The following MED14 variants were observed in gnomAD, a reference collection of about 807,000 sequenced individuals.
MED14 encodes mediator complex subunit 14.
A neutral mutation model predicts 109.0 loss-of-function variants in MED14; 8 were observed. That is an observed-to-expected ratio of 0.07 (90% confidence interval 0.04 to 0.13). The LOEUF (loss-of-function observed/expected upper bound fraction) is 0.13, where lower values mean the gene tolerates loss of function less well. MED14 is among the 10% of genes least tolerant of loss of function. The probability of loss-of-function intolerance (pLI) is 1.00; values close to 1 mark genes in which losing one functional copy is unlikely to be tolerated. For missense variants in MED14, 711 were observed against 1,142.4 expected, an observed-to-expected ratio of 0.62 and a Z score of 5.44; for synonymous variants, 399 against 408.7, an observed-to-expected ratio of 0.98 and a Z score of 0.29.
At chrX:40,725,437 T>C (rs1452738544) in intron 3 of MED14, among the ~76,000 whole-genome samples, 1 of 111,430 alleles carries the variant, frequency 9.0e-6, no homozygotes, top group Admixed American at 9.5e-5. Context: ...CTCAACAAAA[T>C]ACTAGCAAAC....
At chrX:40,701,931 G>A (rs1024601051) in intron 11 of MED14, among the ~76,000 whole-genome samples, 4 of 111,494 alleles carry the variant, frequency 3.6e-5, no homozygotes, top group African/African-American at 1.3e-4. Context: ...GTCTTTGGGA[G>A]GCAATTAGGT....
At chrX:40,661,121 G>A (rs1158707067) in intron 26 of MED14, among the ~76,000 whole-genome samples, 2 of 111,770 alleles carry the variant, frequency 1.8e-5, no homozygotes, top group Non-Finnish European at 3.8e-5. Flanking sequence ...CGCTCTGTCT[G>A]CTCAGGCTGG....
At chrX:40,728,500 A>G (rs941729377) in intron 2 of MED14, among the ~76,000 whole-genome samples, 1 of 110,963 alleles carries the variant, frequency 9.0e-6, no homozygotes, top group Non-Finnish European at 1.9e-5. Flanking sequence ...TGTTGCCATT[A>G]AGAAATGCTA....
intron 21 of MED14, among the ~76,000 whole-genome samples, chrX:40,676,921 G>T (rs1319723419): frequency 9.0e-6 from 1 of 111,721 alleles, no homozygotes; most frequent in Non-Finnish European, 1.9e-5. Flanking sequence ...ACCCAGTCTT[G>T]GGTAGTATCT....
At chrX:40,687,971 T>C (rs774702312) in intron 16 of MED14, among the ~76,000 whole-genome samples, 95 of 111,609 alleles carry the variant, frequency 8.5e-4, no homozygotes, top group African/African-American at 3.0e-3. Flanking sequence ...TCCCAACACT[T>C]TGGGAGGCCG....
Position 40,714,617 on chromosome X carries a change from G to A in MED14, c.442C>T (p.Arg148Cys). Reference sequence around the variant, plus strand: ...TATGGGATGGCAAAACTAGGCAGGCGTGCATGGACCAGAGCATCTCTAGCT... The same window carrying A: ...TATGGGATGGCAAAACTAGGCAGGCATGCATGGACCAGAGCATCTCTAGCT... Reference protein sequence around the residue: ...SLARDALVHARLPSFAIPYAI... With the variant: ...SLARDALVHACLPSFAIPYAI... Residue 148 changes from arginine (R) to cysteine (C), a missense_variant, in exon 4 of 31, where the codon CGC becomes TGC. This residue lies in a region of MED14 where 31 missense variants were observed against 79.3 expected (regional missense o/e 0.39). Transcript: ENST00000324817. 8.3e-7 allele frequency: 1 copy of A among 1,211,421 alleles called. No homozygotes were observed. Among genetic ancestry groups the A allele is most frequent in the East Asian group, 3.0e-5 (1 of 33,849 alleles).
At chrX:40,732,651 A>G (rs901881806) in intron 1 of MED14, among the ~76,000 whole-genome samples, 1 of 110,764 alleles carries the variant, frequency 9.0e-6, no homozygotes, top group Non-Finnish European at 1.9e-5. Flanking sequence ...GTGGTGGCGC[A>G]TGCCTGTAGT....
intron 25 of MED14, among the ~76,000 whole-genome samples, chrX:40,664,101 A>G (rs765677324): frequency 1.8e-5 from 2 of 110,614 alleles, no homozygotes; most frequent in Non-Finnish European, 3.8e-5. Context: ...AGTTTGGAGA[A>G]CTTCCAGATA....
chrX:40,693,087 T>G (rs931497963), intron 13 of MED14, among the ~76,000 whole-genome samples, 185 bp from the exon 14 acceptor site: 2 of 110,271 alleles, frequency 1.8e-5, no homozygotes, highest in Non-Finnish European at 3.8e-5. Context: ...TTCCAAAAAG[T>G]AGATGAGACC....
At chrX:40,734,646 A>C (rs1040874517) in intron 1 of MED14, among the ~76,000 whole-genome samples, 2 of 111,809 alleles carry the variant, frequency 1.8e-5, no homozygotes, top group African/African-American at 6.5e-5. Context: ...TGATTTATAA[A>C]CCCCCTTCAT....
chrX:40,650,942 C>T lies in MED14; in HGVS notation c.*864G>A. 1.3e-6 allele frequency: 1 copy of T among 753,205 alleles called. No individual in the cohort carries two copies. The highest frequency in any genetic ancestry group is 2.3e-5 in the African/African-American group (1 of 43,718). The allele number at this position is 753,205 out of a possible 1,213,427, so 62.1% of individuals were successfully genotyped here. A position where few individuals can be genotyped will look rare whatever the true frequency, so the allele number is the denominator to read the frequency against. The stretch of plus-strand genomic sequence containing the variant: ...CTAAATTTTCCTGACAGAAAAGTTC[C>T]CACATCCTCAACAGATGAGAATGAT... On this transcript the variant is annotated 3_prime_UTR_variant, in exon 31 of 31. Coordinates refer to ENST00000324817, the MANE Select transcript of MED14 (RefSeq NM_004229.4).
intron 3 of MED14, among the ~76,000 whole-genome samples, chrX:40,723,153 G>GT (rs753002740): frequency 8.9e-6 from 1 of 111,887 alleles, no homozygotes; most frequent in East Asian, 2.8e-4. Context: ...ACAGGAAATC[G>GT]TAACTACAAC....
At chrX:40,720,993 G>A (rs1245308272) in intron 3 of MED14, among the ~76,000 whole-genome samples, 1 of 110,944 alleles carries the variant, frequency 9.0e-6, no homozygotes, top group East Asian at 2.8e-4. Context: ...AACCAGCGGC[G>A]ATACCCAGGT....
chrX:40,654,877 AT>A, intron 29 of MED14, 57 bp downstream of exon 29: 2 of 1,169,778 alleles, frequency 1.7e-6, no homozygotes, highest in Non-Finnish European at 2.3e-6. Context: ...TTGCTCTATT[AT>A]CATGTGGCAT....
intron 24 of MED14, among the ~76,000 whole-genome samples, chrX:40,666,504 G>A (rs973389510): frequency 2.7e-5 from 3 of 110,975 alleles, no homozygotes; most frequent in African/African-American, 6.6e-5. Context: ...GCAGAGCAAC[G>A]GAGACAGCAA....
upstream of MED14, chrX:40,735,680 G>A: frequency 4.2e-6 from 2 of 478,928 alleles, no homozygotes; most frequent in East Asian, 4.1e-5. Flanking sequence ...CTGCGCCTCC[G>A]CAAACGCTCA....
Position 40,649,970 on chromosome X carries a change from G to C in MED14, c.*1836C>G, listed in dbSNP as rs1255339129. 1.2e-5 allele frequency: 9 copies of C among 747,000 alleles called. No homozygotes were observed. Among genetic ancestry groups the C allele is most frequent in the Non-Finnish European group, 1.4e-5 (9 of 633,507 alleles). 61.6% of individuals were successfully genotyped at this position (747,000 alleles called of 1,213,427 possible). ...AACATTTCAAAACCACATTAAAAGGGAAAATACCTAAAAAGTTAACTCTTA... is the reference window on the plus strand; with the variant it reads ...AACATTTCAAAACCACATTAAAAGGCAAAATACCTAAAAAGTTAACTCTTA... On this transcript the variant is annotated 3_prime_UTR_variant, in exon 31 of 31. Coordinates refer to ENST00000324817, the MANE Select transcript of MED14 (RefSeq NM_004229.4).
At position 40,729,354 on chromosome X, in the gene MED14, A is replaced by G. The variant is rs200699843; in HGVS notation, c.216-9T>C. The G allele has an allele frequency of 4.6e-6, 3 of 653,162 alleles. No individual in the cohort carries two copies. In the Admixed American group the frequency reaches 1.2e-4, roughly 26 times the overall value. The allele number at this position is 653,162 out of a possible 1,213,427, so 53.8% of individuals were successfully genotyped here. A position where few individuals can be genotyped will look rare whatever the true frequency, so the allele number is the denominator to read the frequency against. The stretch of plus-strand genomic sequence containing the variant: ...CAGATTTCCTTGGCAGTCTAAGAAG[A>G]AAAAAAAAAAACGGATTAGATACAT... On this transcript the variant is annotated splice_polypyrimidine_tract_variant and intron_variant, in intron 1 of 30. Coordinates refer to ENST00000324817, the MANE Select transcript of MED14 (RefSeq NM_004229.4).
At chrX:40,688,404 AGT>A in intron 16 of MED14, 48 bp downstream of exon 16, 1 of 908,729 alleles carries the variant, frequency 1.1e-6, no homozygotes, top group Non-Finnish European at 1.6e-6. Flanking sequence ...CAGCTTTCAG[AGT>A]GTGACTGCAA....
Sources: allele counts gnomAD v4.1 joint callset (sites outside exome capture counted in the v4.1 genomes callset), GRCh38; gene constraint gnomAD v4.1.1; regional missense constraint gnomAD v4.1.1; transcripts MANE v1.5; gene names NCBI Gene and HGNC (gene_info 2026-07-23, HGNC 2026-07-21).